SGIP1: variants seen among roughly 807,000 people sequenced by gnomAD.
The protein encoded by SGIP1 is SH3GL interacting endocytic adaptor 1, also known as SH3-containing GRB2-like protein 3-interacting protein 1.
A neutral mutation model predicts 107.5 loss-of-function variants in SGIP1; 38 were observed. The ratio of observed to expected loss-of-function variants is 0.35; its 90% confidence interval spans 0.27 to 0.46. SGIP1 has a LOEUF of 0.46. Ranked by LOEUF, SGIP1 falls within the 20% of genes least tolerant of loss-of-function variation. The pLI is 1.00. For synonymous variants in SGIP1, 365 were observed against 366.1 expected, an observed-to-expected ratio of 1.00 and a Z score of 0.03; for missense variants, 929 against 1,019.5, an observed-to-expected ratio of 0.91 and a Z score of 1.21.
At chr1:66,707,684 G>A (rs963151386) in intron 18 of SGIP1, among the ~76,000 whole-genome samples, 1 of 152,168 alleles carries the variant, frequency 6.6e-6, no homozygotes. Context: ...CCCACCAGCA[G>A]TTGCATAGTC....
chr1:66,536,399 T>G (rs1194841390), intron 1 of SGIP1, among the ~76,000 whole-genome samples: 1 of 152,210 alleles, frequency 6.6e-6, no homozygotes, highest in Non-Finnish European at 1.5e-5. Flanking sequence ...CTTATTATCT[T>G]AATAGTTCGG....
intron 1 of SGIP1, among the ~76,000 whole-genome samples, chr1:66,540,050 A>G (rs2054543775): frequency 6.6e-6 from 1 of 152,230 alleles, no homozygotes; most frequent in South Asian, 2.1e-4. Context: ...TAAATGGCTC[A>G]GATAACTGTA....
In SGIP1 at chr1:66,682,210, C is replaced by T; in HGVS notation, c.1156C>T (p.Gln386Ter). 2 of 1,614,242 alleles carry T rather than the reference C, an allele frequency of 1.2e-6. No individual in the cohort carries two copies. Among genetic ancestry groups the T allele is most frequent in the Non-Finnish European group, 1.7e-6 (2 of 1,180,046 alleles). The change falls in exon 15 of 25, where the codon CAG becomes TAG. Residue 386 changes from glutamine to a stop codon, truncating the protein, a stop_gained. Transcript: ENST00000371037. LOFTEE classifies it high-confidence loss of function. ...LEEVQKKVAE[Q>*]TFIKDDYLET... ...AGAAGTCCAGAAGAAAGTCGCTGAG[C>T]AGACCTTCATTAAAGATGATTACTT...
chr1:66,635,902 T>C, intron 3 of SGIP1, 42 bp from the exon 4 acceptor site: 1 of 1,596,750 alleles, frequency 6.3e-7, no homozygotes, highest in East Asian at 2.2e-5. Flanking sequence ...AACAAGCAGA[T>C]CTTTTAACCA....
At chr1:66,711,239 A>G (rs1417312211) in intron 18 of SGIP1, among the ~76,000 whole-genome samples, 3 of 152,122 alleles carry the variant, frequency 2.0e-5, no homozygotes, top group Admixed American at 6.6e-5. Context: ...TCTGTTATTG[A>G]CTATCCTCAA....
At chr1:66,676,203 C>G (rs1303904917) in intron 12 of SGIP1, among the ~76,000 whole-genome samples, 1 of 152,210 alleles carries the variant, frequency 6.6e-6, no homozygotes, top group Non-Finnish European at 1.5e-5. Flanking sequence ...TGCCAAGGTC[C>G]TACGGTCAGT....
Position 66,628,379 on chromosome 1 carries a change from T to TCAGTTTCCACACCTGTAAACAACAACAA in SGIP1, c.74+2472_74+2499dup, listed in dbSNP as rs1272623175. 1.5e-4 allele frequency: 23 copies of TCAGTTTCCACACCTGTAAACAACAACAA among 154,756 alleles called. No individual in the cohort carries two copies. In the East Asian group the frequency reaches 4.1e-3, roughly 27 times the overall value. 9.6% of individuals were successfully genotyped at this position (154,756 alleles called of 1,614,324 possible). ...GAATTACCCTTTACTTTGCTGGGCC[T>TCAGTTTCCACACCTGTAAACAACAACAA]CAGTTTCCACACCTGTAAACAACAA... On this transcript the variant is annotated intron_variant, in intron 2 of 24. Transcript: ENST00000371037.
intron 1 of SGIP1, among the ~76,000 whole-genome samples, chr1:66,536,835 C>T (rs190560132): frequency 4.6e-5 from 7 of 152,314 alleles, no homozygotes; most frequent in East Asian, 3.9e-4. Flanking sequence ...TATTTGCACT[C>T]GTGTGGCTGT....
intron 1 of SGIP1, among the ~76,000 whole-genome samples, chr1:66,558,799 GAA>G (rs141058949): frequency 5.7e-5 from 8 of 139,906 alleles, no homozygotes; most frequent in African/African-American, 1.8e-4. Context: ...CTTTTTTTAG[GAA>G]AAAAAAAAAA....
intron 1 of SGIP1, among the ~76,000 whole-genome samples, chr1:66,589,972 G>T (rs2063357807): frequency 1.3e-5 from 2 of 151,096 alleles, no homozygotes; most frequent in Non-Finnish European, 2.9e-5. Context: ...TTCTCTCTTT[G>T]TTCCCTGTGT....
chr1:66,708,609 C>T (rs1271450525), intron 18 of SGIP1, among the ~76,000 whole-genome samples: 1 of 152,126 alleles, frequency 6.6e-6, no homozygotes, highest in Admixed American at 6.6e-5. Flanking sequence ...GTATAATATT[C>T]TCATCTTCTG....
At chr1:66,652,353 G>T (rs140846715) in intron 7 of SGIP1, among the ~76,000 whole-genome samples, 149 of 152,256 alleles carry the variant, frequency 9.8e-4, no homozygotes, top group Admixed American at 2.3e-3. Flanking sequence ...AGCGAGGGAG[G>T]ACTTGAGCAA....
Position 66,624,418 on chromosome 1 carries a change from C to A in SGIP1, c.11-1429C>A, listed in dbSNP as rs557242801. 5.3e-5 allele frequency among the ~76,000 whole-genome samples: 8 copies of A among 152,240 alleles called. 1 individual carries two copies. In the South Asian group the frequency reaches 1.7e-3, roughly 32 times the overall value. ...TCAATACATTTTCCTATAAACTCCT[C>A]ATGTGGAGAGTAACGGAAAATAGTT... On this transcript the variant is annotated intron_variant, in intron 1 of 24. Coordinates refer to ENST00000371037, the MANE Select transcript of SGIP1 (RefSeq NM_032291.4).
intron 1 of SGIP1, among the ~76,000 whole-genome samples, chr1:66,549,255 A>G (rs926473065): frequency 6.7e-6 from 1 of 150,020 alleles, no homozygotes; most frequent in Non-Finnish European, 1.5e-5. Context: ...TTTCCTTTTT[A>G]AGCTATCACA....
chr1:66,641,431 A>G (rs55817355), intron 5 of SGIP1, among the ~76,000 whole-genome samples: 20,754 of 151,814 alleles, frequency 0.14, 1,459 homozygotes, highest in African/African-American at 0.16. Context: ...TAACTCTCCA[A>G]CTCTGCCTTC....
rs58480467 is a variant in SGIP1 at position 66,750,040 on chromosome 1, T to G, written c.*6945T>G. 3.6e-4 allele frequency among the ~76,000 whole-genome samples: 30 copies of G among 84,100 alleles called. No homozygotes were observed. The highest frequency in any genetic ancestry group is 1.4e-3 in the African/African-American group (30 of 21,058). 55.2% of individuals were successfully genotyped at this position (84,100 alleles called of 152,430 possible). Reference sequence around the variant, plus strand: ...CTTTCTCTGTGTGTGTGTGGGGGTGTGTGTGTGTGTGTGTGTGTGTGTGTG... The same window carrying G: ...CTTTCTCTGTGTGTGTGTGGGGGTGGGTGTGTGTGTGTGTGTGTGTGTGTG... On this transcript the variant is annotated 3_prime_UTR_variant, in exon 25 of 25. Coordinates refer to ENST00000371037, the MANE Select transcript of SGIP1 (RefSeq NM_032291.4).
rs879925413 is a variant in SGIP1, at chr1:66,631,091, GAAAGAAAGA to G, written c.75-1975_75-1967del. On this transcript the variant is annotated intron_variant, in intron 2 of 24. Transcript: ENST00000371037. ...AGAAAGAAAGAAAGAAAGAAAGAAAGAAAGAAAGAAAAAAAGAAAGACTGACTCAGTATA... is the reference window on the plus strand; with the variant it reads ...AGAAAGAAAGAAAGAAAGAAAGAAAGAAAAAAGAAAGACTGACTCAGTATA... Among the ~76,000 whole-genome samples, 1,360 of 137,910 alleles carry G rather than the reference GAAAGAAAGA, an allele frequency of 9.9e-3. 31 individuals carry two copies. Among genetic ancestry groups the G allele is most frequent in the Admixed American group, 0.05 (666 of 13,228 alleles). The allele number at this position is 137,910 out of a possible 152,430, so 90.5% of individuals were successfully genotyped here. A position where few individuals can be genotyped will look rare whatever the true frequency, so the allele number is the denominator to read the frequency against.
chr1:66,671,273 A>G (rs2083726544), intron 10 of SGIP1, among the ~76,000 whole-genome samples: 1 of 151,966 alleles, frequency 6.6e-6, no homozygotes, highest in Non-Finnish European at 1.5e-5. Flanking sequence ...ATATTTGTCA[A>G]CTCTTGCTGT....
chr1:66,722,748 A>G (rs1024084977), intron 19 of SGIP1, among the ~76,000 whole-genome samples: 17 of 152,198 alleles, frequency 1.1e-4, no homozygotes, highest in Non-Finnish European at 1.0e-4. Flanking sequence ...AGCCTGTCCC[A>G]TCGGCCTGTC....
Sources: gnomAD v4.1 joint callset for allele counts (sites outside exome capture counted in the v4.1 genomes callset) on GRCh38, gnomAD v4.1.1 for gene constraint, MANE v1.5 for transcripts, NCBI Gene and HGNC (gene_info 2026-07-23, HGNC 2026-07-21) for gene names.